CNTLN: variants seen among roughly 807,000 people sequenced by gnomAD.
The protein encoded by CNTLN is centlein, centrosomal protein.
In CNTLN, 212 loss-of-function variants were observed where a neutral mutation model predicts 180.0. The observed-to-expected ratio is 1.18, with a 90% confidence interval of 1.05 to 1.32. CNTLN has a LOEUF of 1.32. Ranked by LOEUF, CNTLN falls within the 40% of genes most tolerant of loss-of-function variation. The pLI is 0.00. For missense variants in CNTLN, 2,095 were observed against 1,610.9 expected, an observed-to-expected ratio of 1.30 and a Z score of -5.14; for synonymous variants, 722 against 563.1, an observed-to-expected ratio of 1.28 and a Z score of -3.99.
rs374233404 is a variant in CNTLN, at chr9:17,416,145, C to G, written c.3070C>G (p.Gln1024Glu). 27 of 1,613,234 alleles carry G rather than the reference C, an allele frequency of 1.7e-5. No individual in the cohort carries two copies. The highest frequency in any genetic ancestry group is 2.2e-5 in the Non-Finnish European group (26 of 1,179,692). Reference sequence around the variant, plus strand: ...TAATGAAAAGCTCCTCCATCAACAGCAAGTATCCGATCAACGATTTCAGAC... The same window carrying G: ...TAATGAAAAGCTCCTCCATCAACAGGAAGTATCCGATCAACGATTTCAGAC... ...EVNEKLLHQQ[Q>E]VSDQRFQTSR... Residue 1024 changes from glutamine (Q) to glutamate (E), a missense_variant, in exon 18 of 26, where the codon CAA (glutamine) becomes GAA (glutamate). Coordinates refer to ENST00000380647, the MANE Select transcript of CNTLN (RefSeq NM_017738.4).
chr9:17,377,683 T>TC (rs1824888057), intron 13 of CNTLN, among the ~76,000 whole-genome samples: 1 of 152,154 alleles, frequency 6.6e-6, no homozygotes, highest in South Asian at 2.1e-4. Context: ...TGGGTATAAT[T>TC]TTATTGGGTT....
intron 10 of CNTLN, among the ~76,000 whole-genome samples, chr9:17,337,514 C>T (rs117258770): frequency 0.012 from 1,848 of 152,230 alleles, 15 homozygotes; most frequent in Middle Eastern, 0.041. Context: ...GAACATTTTA[C>T]ACTAAAGCTT....
In CNTLN at chr9:17,332,640, A is replaced by C; in HGVS notation, c.1554A>C (p.Pro518=). The C allele has an allele frequency of 6.2e-7, 1 of 1,608,920 alleles. No homozygotes were observed. Among genetic ancestry groups the C allele is most frequent in the South Asian group, 1.1e-5 (1 of 90,018 alleles). ...PPVKRSRSLS[P]KSSFTDSEEL... ...TGAAACGTTCAAGGTCTTTGTCCCC[A>C]AAGAGCTCTTTCACAGACTCAGAAG... The change falls in exon 10 of 26, where the codon CCA becomes CCC. Residue 518 remains proline, a synonymous_variant. Coordinates refer to ENST00000380647, the MANE Select transcript of CNTLN (RefSeq NM_017738.4).
intron 5 of CNTLN, among the ~76,000 whole-genome samples, chr9:17,255,716 G>C (rs1249834854): frequency 6.6e-6 from 1 of 151,740 alleles, no homozygotes; most frequent in African/African-American, 2.4e-5. Flanking sequence ...TCAGTTATTG[G>C]TAGAGTTTGA....
At chr9:17,395,334 C>T (rs1425877686) in intron 15 of CNTLN, among the ~76,000 whole-genome samples, 3 of 152,150 alleles carry the variant, frequency 2.0e-5, no homozygotes, top group African/African-American at 7.2e-5. Context: ...ATGCTATTTT[C>T]ATGCAGTCAT....
At chr9:17,219,481 C>A (rs1485959826) in intron 2 of CNTLN, among the ~76,000 whole-genome samples, 1 of 151,954 alleles carries the variant, frequency 6.6e-6, no homozygotes, top group Non-Finnish European at 1.5e-5. Flanking sequence ...GACAAATTGC[C>A]ATATTTTGAG....
intron 6 of CNTLN, among the ~76,000 whole-genome samples, chr9:17,291,260 C>T (rs1033391210): frequency 4.6e-5 from 7 of 152,028 alleles, no homozygotes; most frequent in African/African-American, 1.4e-4. Flanking sequence ...TGCTATGTGT[C>T]GCCAAGAAGA....
intron 2 of CNTLN, among the ~76,000 whole-genome samples, chr9:17,178,441 A>G (rs1820876682): frequency 6.6e-6 from 1 of 152,010 alleles, no homozygotes; most frequent in Admixed American, 6.5e-5. Context: ...GGTAGATGGG[A>G]CTGGGCGCCC....
rs370827881 is a variant in CNTLN, at chr9:17,143,261, A to G, written c.361-27A>G. On this transcript the variant is annotated intron_variant, in intron 1 of 25. Transcript: ENST00000380647. ...TTTCACTACCACTACAAAGCAATGC[A>G]TCTAAATTCTCTTTTATTTCTTTAA... 8.5e-6 allele frequency: 13 copies of G among 1,533,024 alleles called. 1 individual carries two copies. Among genetic ancestry groups the G allele is most frequent in the East Asian group, 2.3e-5 (1 of 44,360 alleles). The allele number at this position is 1,533,024 out of a possible 1,614,324, so 95.0% of individuals were successfully genotyped here.
chr9:17,336,704 AC>A (rs1026770697), intron 10 of CNTLN, among the ~76,000 whole-genome samples: 1 of 152,110 alleles, frequency 6.6e-6, no homozygotes, highest in Non-Finnish European at 1.5e-5. Flanking sequence ...CATCTATAAA[AC>A]CTTTTTTTAA....
intron 7 of CNTLN, among the ~76,000 whole-genome samples, chr9:17,308,483 A>G (rs1818893931): frequency 6.6e-6 from 1 of 152,132 alleles, no homozygotes; most frequent in East Asian, 1.9e-4. Context: ...ATACTTAATA[A>G]GAATGTAGAA....
intron 2 of CNTLN, among the ~76,000 whole-genome samples, chr9:17,182,470 T>A (rs901998762): frequency 6.6e-6 from 1 of 152,204 alleles, no homozygotes; most frequent in Non-Finnish European, 1.5e-5. Flanking sequence ...TTATATGTAG[T>A]ATTCAGGGTT....
Position 17,457,599 on chromosome 9 carries a change from A to G in CNTLN, c.3190A>G (p.Ile1064Val). Residue 1064 changes from isoleucine to valine, a missense_variant, in exon 19 of 26, where the codon ATC (isoleucine) becomes GTC (valine). Ile to Val is a conservative substitution (Grantham distance 29). Transcript: ENST00000380647. The stretch of plus-strand genomic sequence containing the variant: ...AAAGAAATTGGAGTCCTCATCTGAA[A>G]TCACAAGTTTGGCAGAAGAAAATTC... ...LLKKLESSSE[I>V]TSLAEENSQV... is the part of the protein sequence containing the mutation. The G allele has an allele frequency of 6.4e-7, 1 of 1,567,154 alleles. No individual in the cohort carries two copies. The highest frequency in any genetic ancestry group is 8.7e-7 in the Non-Finnish European group (1 of 1,154,754).
At chr9:17,420,147 T>C (rs2133915272) in intron 18 of CNTLN, among the ~76,000 whole-genome samples, 1 of 152,272 alleles carries the variant, frequency 6.6e-6, no homozygotes, top group East Asian at 1.9e-4. Context: ...ACTCCTAACC[T>C]CACATGATCC....
intron 10 of CNTLN, among the ~76,000 whole-genome samples, chr9:17,335,485 C>G (rs1004440843): frequency 6.6e-6 from 1 of 152,054 alleles, no homozygotes; most frequent in Non-Finnish European, 1.5e-5. Flanking sequence ...CCACTGCACT[C>G]CAGCCTGGTG....
At chr9:17,178,211 G>C (rs1273871098) in intron 2 of CNTLN, among the ~76,000 whole-genome samples, 1 of 152,084 alleles carries the variant, frequency 6.6e-6, no homozygotes, top group East Asian at 1.9e-4. Context: ...CAAGCACTGA[G>C]CTAGACACAG....
chr9:17,480,798 G>A (rs1437603377), intron 23 of CNTLN, among the ~76,000 whole-genome samples: 2 of 152,148 alleles, frequency 1.3e-5, no homozygotes, highest in South Asian at 2.1e-4. Flanking sequence ...TTCATGAACT[G>A]TTTCAAATTA....
chr9:17,520,186 A>T, the CNTLN span, among the ~76,000 whole-genome samples: 1 of 152,294 alleles, frequency 6.6e-6, no homozygotes, highest in South Asian at 2.1e-4. Flanking sequence ...ATTTTGCAAG[A>T]TTTTATGAAG....
chr9:17,522,490 C>T, the CNTLN span, among the ~76,000 whole-genome samples: 5 of 152,194 alleles, frequency 3.3e-5, no homozygotes, highest in Middle Eastern at 3.2e-3. Flanking sequence ...GAAATCCCAT[C>T]ATACCTCAGG....
Sources: gnomAD v4.1 joint callset for allele counts (sites outside exome capture counted in the v4.1 genomes callset) on GRCh38, gnomAD v4.1.1 for gene constraint, MANE v1.5 for transcripts, NCBI Gene and HGNC (gene_info 2026-07-23, HGNC 2026-07-21) for gene names.